SERPINA10: variants seen among roughly 807,000 people sequenced by gnomAD.
The protein encoded by SERPINA10 is protein Z-dependent protease inhibitor.
Under a neutral mutation model 28.0 loss-of-function variants are expected in SERPINA10, and 24 were observed. The ratio of observed to expected loss-of-function variants is 0.86; its 90% confidence interval spans 0.62 to 1.20. SERPINA10 has a LOEUF of 1.20. Ranked by LOEUF, SERPINA10 falls within the 50% of genes most tolerant of loss-of-function variation. The probability of loss-of-function intolerance (pLI) is 0.00; values close to 1 mark genes in which losing one functional copy is unlikely to be tolerated. For synonymous variants in SERPINA10, 207 were observed against 203.9 expected (o/e 1.02, Z -0.13); for missense variants, 521 against 537.7 (o/e 0.97, Z 0.31).
At position 94,288,399 on chromosome 14, in the gene SERPINA10, T is replaced by G; in HGVS notation, c.879A>C (p.Gln293His). Residue 293 changes from glutamine to histidine, a missense_variant, in exon 3 of 5, where the codon CAA becomes CAC. Transcript: ENST00000261994. ...GGACCACCAGCATGGTGGCATTTCC[T>G]TGGTAGGGCAGTTTGAGGACATGAC... Reference protein sequence around the residue: ...FRCHVLKLPYQGNATMLVVLM... With the variant: ...FRCHVLKLPYHGNATMLVVLM... The G allele has an allele frequency of 6.2e-6, 10 of 1,614,104 alleles. No homozygotes were observed. The highest frequency in any genetic ancestry group is 8.5e-6 in the Non-Finnish European group (10 of 1,179,998).
At chr14:94,290,783 T>TCACCCACACTTGCTCTA in intron 1 of SERPINA10, 140 bp from the exon 2 acceptor site, 2 of 888,898 alleles carry the variant, frequency 2.2e-6, no homozygotes, top group Non-Finnish European at 3.4e-6. Context: ...AGAGCAAGTG[T>TCACCCACACTTGCTCTA]GGGTGACATT....
In SERPINA10 at chr14:94,283,678, C is replaced by A; in HGVS notation, c.*287G>T. 2.2e-6 allele frequency: 1 copy of A among 460,778 alleles called. No homozygotes were observed. Among genetic ancestry groups the A allele is most frequent in the Non-Finnish European group, 3.9e-6 (1 of 257,218 alleles). 28.5% of individuals were successfully genotyped at this position (460,778 alleles called of 1,614,324 possible). A position where few individuals can be genotyped will look rare whatever the true frequency, so the allele number is the denominator to read the frequency against. On this transcript the variant is annotated 3_prime_UTR_variant, in exon 5 of 5. Coordinates refer to ENST00000261994, the MANE Select transcript of SERPINA10 (RefSeq NM_001100607.3). Reference sequence around the variant, plus strand: ...ACTTAATGTTGTTATTATTGTTAATCTCTTACTGTGCCTAATTTATAAATT... The same window carrying A: ...ACTTAATGTTGTTATTATTGTTAATATCTTACTGTGCCTAATTTATAAATT...
In SERPINA10 at chr14:94,286,204, A is replaced by T. The variant is rs1895019630; in HGVS notation, c.1047T>A (p.His349Gln). The change falls in exon 4 of 5, where the codon CAT becomes CAA. Residue 349 changes from histidine to glutamine, a missense_variant. Transcript: ENST00000261994. ...KFKLDQKYEM[H>Q]ELLRQMGIRR... ...TGATTCCCATCTGCCTAAGCAGCTCATGCATCTCATACTTCTGATCTAGCT... is the reference window on the plus strand; with the variant it reads ...TGATTCCCATCTGCCTAAGCAGCTCTTGCATCTCATACTTCTGATCTAGCT... The T allele has an allele frequency of 6.2e-7, 1 of 1,613,976 alleles. No homozygotes were observed.
Position 94,286,323 on chromosome 14 carries a change from G to A in SERPINA10, c.993-65C>T, listed in dbSNP as rs1051226128. 8.9e-6 allele frequency: 14 copies of A among 1,579,992 alleles called. No individual in the cohort carries two copies. The South Asian group carries it at 1.4e-4, about 16-fold the overall frequency. ...GCCCTAGTCTGTGGACACCAAAAAG[G>A]TCACAATTTTTGTTCTTTAAGATTA... On this transcript the variant is annotated intron_variant, in intron 3 of 4. Coordinates refer to ENST00000261994, the MANE Select transcript of SERPINA10 (RefSeq NM_001100607.3).
chr14:94,283,913 T>C lies in SERPINA10; in HGVS notation c.*52A>G. 1 of 1,556,952 alleles carries C rather than the reference T, an allele frequency of 6.4e-7. No homozygotes were observed. The stretch of plus-strand genomic sequence containing the variant: ...TTGCTGGTATCCTGTGTGTGTTTGA[T>C]ACCTCAGATTCAGCATCTACTACAG... On this transcript the variant is annotated 3_prime_UTR_variant, in exon 5 of 5. Transcript: ENST00000261994.
intron 2 of SERPINA10, 51 bp downstream of exon 2, chr14:94,289,825 G>C (rs1895114941): frequency 6.3e-7 from 1 of 1,590,614 alleles, no homozygotes; most frequent in African/African-American, 1.3e-5. Context: ...GAAAGGGAGA[G>C]ACAATCGTAG....
chr14:94,283,962 G>A lies in SERPINA10; in HGVS notation c.*3C>T, dbSNP rs537492594. 1.2e-6 allele frequency: 2 copies of A among 1,613,896 alleles called. No homozygotes were observed. Among genetic ancestry groups the A allele is most frequent in the African/African-American group, 2.7e-5 (2 of 75,054 alleles). On this transcript the variant is annotated 3_prime_UTR_variant, in exon 5 of 5. Transcript: ENST00000261994. ...AGCACGAAGTGCTTATGCGTGTCCT[G>A]AATTATAGGAGAGTCGGATTCACCA...
At chr14:94,292,282 C>T (rs980185781) in intron 1 of SERPINA10, among the ~76,000 whole-genome samples, 2 of 152,076 alleles carry the variant, frequency 1.3e-5, no homozygotes, top group African/African-American at 4.8e-5. Flanking sequence ...CTCCGCACCT[C>T]CTCTCCATGG....
Position 94,283,893 on chromosome 14 carries a change from G to T in SERPINA10, c.*72C>A. 2 of 1,443,458 alleles carry T rather than the reference G, an allele frequency of 1.4e-6. No homozygotes were observed. Among genetic ancestry groups the T allele is most frequent in the Non-Finnish European group, 2.0e-6 (2 of 1,025,542 alleles). The allele number at this position is 1,443,458 out of a possible 1,614,324, so 89.4% of individuals were successfully genotyped here. Reference sequence around the variant, plus strand: ...ACACTCTCCCCTGCCATCCATTGCTGGTATCCTGTGTGTGTTTGATACCTC... The same window carrying T: ...ACACTCTCCCCTGCCATCCATTGCTTGTATCCTGTGTGTGTTTGATACCTC... On this transcript the variant is annotated 3_prime_UTR_variant, in exon 5 of 5. Transcript: ENST00000261994.
In SERPINA10 at chr14:94,284,264, C is replaced by T. The variant is rs139035385; in HGVS notation, c.1144-108G>A. On this transcript the variant is annotated intron_variant, in intron 4 of 4. Transcript: ENST00000261994. ...GTGGTCCTACCCATGGGGTCATGCT[C>T]CTGGGATTTAGTGGAGCAGGCCCAT... The T allele has an allele frequency of 2.6e-5, 27 of 1,027,568 alleles. No homozygotes were observed. The African/African-American group carries it at 2.7e-4, about 10-fold the overall frequency. The allele number at this position is 1,027,568 out of a possible 1,614,324, so 63.7% of individuals were successfully genotyped here. A position where few individuals can be genotyped will look rare whatever the true frequency, so the allele number is the denominator to read the frequency against.
chr14:94,292,324 G>C (rs950370570), intron 1 of SERPINA10, among the ~76,000 whole-genome samples: 1 of 152,102 alleles, frequency 6.6e-6, no homozygotes, highest in African/African-American at 2.4e-5. Flanking sequence ...CCATCTGCAA[G>C]CCAAGAAGAC....
Position 94,289,356 on chromosome 14 carries a change from T to A in SERPINA10, c.718+520A>T, listed in dbSNP as rs192908982. On this transcript the variant is annotated intron_variant, in intron 2 of 4. Transcript: ENST00000261994. ...GTTTCATCTTTAGAAAGGAGACAAC[T>A]CCTGCTCTACCTGCTGATTGGCAGT... Among the ~76,000 whole-genome samples the A allele has an allele frequency of 5.8e-3, 881 of 152,342 alleles. 8 individuals are homozygous for A. The highest frequency in any genetic ancestry group is 0.02 in the African/African-American group (848 of 41,572).
intron 3 of SERPINA10, among the ~76,000 whole-genome samples, chr14:94,287,577 T>G (rs933688254): frequency 3.2e-4 from 48 of 152,316 alleles, no homozygotes; most frequent in Admixed American, 2.8e-3. Flanking sequence ...ACACAGGAGC[T>G]TATGTGATCC....
At chr14:94,291,239 C>T (rs1472098179) in intron 1 of SERPINA10, among the ~76,000 whole-genome samples, 1 of 152,156 alleles carries the variant, frequency 6.6e-6, no homozygotes, top group Non-Finnish European at 1.5e-5. Flanking sequence ...TTCCTTCCTT[C>T]CTATAGCTGC....
rs1235102143 is a variant in SERPINA10 at position 94,282,280 on chromosome 14, GCAGA to G, written c.*1681_*1684del. 1.3e-5 allele frequency: 2 copies of G among 151,804 alleles called. No homozygotes were observed. Among genetic ancestry groups the G allele is most frequent in the South Asian group, 2.1e-4 (1 of 4,814 alleles). The allele number at this position is 151,804 out of a possible 1,614,324, so 9.4% of individuals were successfully genotyped here. A position where few individuals can be genotyped will look rare whatever the true frequency, so the allele number is the denominator to read the frequency against. On this transcript the variant is annotated 3_prime_UTR_variant, in exon 5 of 5. Coordinates refer to ENST00000261994, the MANE Select transcript of SERPINA10 (RefSeq NM_001100607.3). ...TTTAGGTTTTTTTAAACATTAGATAGCAGACAGACAGAAATCCAATTAGGCATTT... is the reference window on the plus strand; with the variant it reads ...TTTAGGTTTTTTTAAACATTAGATAGCAGACAGAAATCCAATTAGGCATTT...
In SERPINA10 at chr14:94,288,305, G is replaced by C; in HGVS notation, c.973C>G (p.Leu325Val). The change falls in exon 3 of 5, where the codon CTC becomes GTC. Residue 325 changes from leucine (L) to valine (V), a missense_variant. Transcript: ENST00000261994. ...TTGTACCTGGTTTTCATGTTTCTGA[G>C]CCATGTCTCCACCAAGTCTGTGGTC... ...YLTTDLVETW[L>V]RNMKTRNMEV... is the part of the protein sequence containing the mutation. 6.2e-7 allele frequency: 1 copy of C among 1,613,962 alleles called. No individual in the cohort carries two copies.
At chr14:94,292,531 A>T (rs1410804248) in intron 1 of SERPINA10, 1 of 696,366 alleles carries the variant, frequency 1.4e-6, no homozygotes, top group African/African-American at 1.8e-5. Flanking sequence ...ATTCAAGGTT[A>T]CTTCTCCCTG....
intron 1 of SERPINA10, among the ~76,000 whole-genome samples, chr14:94,291,475 T>C (rs1188027464): frequency 6.6e-6 from 1 of 152,256 alleles, no homozygotes; most frequent in African/African-American, 2.4e-5. Flanking sequence ...AATACTTCCA[T>C]GTTTTCCATC....
chr14:94,286,882 G>T (rs551693641), intron 3 of SERPINA10, among the ~76,000 whole-genome samples: 1 of 152,268 alleles, frequency 6.6e-6, no homozygotes, highest in South Asian at 2.1e-4. Context: ...GATGTTTGGG[G>T]TTCATTGTTA....
Sources: gnomAD v4.1 joint callset for allele counts (sites outside exome capture counted in the v4.1 genomes callset) on GRCh38, gnomAD v4.1.1 for gene constraint, MANE v1.5 for transcripts, NCBI Gene and HGNC (gene_info 2026-07-23, HGNC 2026-07-21) for gene names.